Variants in ATP2C2 observed in about 807,000 individuals in gnomAD.
ATP2C2 encodes ATPase secretory pathway Ca2+ transporting 2.
In ATP2C2, 171 loss-of-function variants were observed where a neutral mutation model predicts 110.8. The ratio of observed to expected loss-of-function variants is 1.54; its 90% CI spans 1.36 to 1.75. The LOEUF is 1.75. Ranked by LOEUF, ATP2C2 falls within the 40% of genes most tolerant of loss-of-function variation. The pLI is 0.00. For missense variants in ATP2C2, 1,963 were observed against 1,235.0 expected, an observed-to-expected ratio of 1.59 and a Z score of -8.84; for synonymous variants, 804 against 508.4, an observed-to-expected ratio of 1.58 and a Z score of -7.82.
At position 84,453,163 on chromosome 16, in the gene ATP2C2, G is replaced by A. The variant is rs368664968; in HGVS notation, c.1857G>A (p.Gly619=). ...AIGRNIGLCN[G]KLQAMSGEEV... is the part of the protein sequence containing the mutation. ...GAAGAAACATCGGCCTGTGCAACGG[G>A]AAGCTGCAAGCCATGTCCGGGGAGG... Residue 619 remains glycine, a synonymous_variant, in exon 19 of 27, where the codon GGG becomes GGA. Transcript: ENST00000262429. 6.3e-5 allele frequency: 101 copies of A among 1,613,532 alleles called. 1 individual carries two copies. The African/African-American group carries it at 1.3e-3, about 20-fold the overall frequency.
intron 6 of ATP2C2, among the ~76,000 whole-genome samples, chr16:84,415,096 C>T (rs1906714756): frequency 6.6e-6 from 1 of 152,080 alleles, no homozygotes; most frequent in African/African-American, 2.4e-5. Flanking sequence ...TAAGGCTCTG[C>T]CATCCCTGAC....
At chr16:84,441,983 A>G (rs559610278) in intron 14 of ATP2C2, among the ~76,000 whole-genome samples, 2 of 152,276 alleles carry the variant, frequency 1.3e-5, no homozygotes, top group East Asian at 3.9e-4. Context: ...AAGAAAAGAA[A>G]AGAAATGGGC....
At position 84,446,368 on chromosome 16, in the gene ATP2C2, AAAG is replaced by A; in HGVS notation, c.1443_1445del (p.Glu482del). The A allele has an allele frequency of 6.2e-7, 1 of 1,604,424 alleles. No individual in the cohort carries two copies. The highest frequency in any genetic ancestry group is 1.1e-5 in the South Asian group (1 of 88,840). On this transcript the variant is annotated inframe_deletion, in exon 16 of 27. Transcript: ENST00000262429. ...TATTAAAAATTCATATATAAGAAAA[AAAG>A]AGATTCCATTCAGTTCAGAGCAGAA...
In ATP2C2 at chr16:84,439,616, A is replaced by G. The variant is rs1416184489; in HGVS notation, c.1209+92A>G. ...AGCACACAATGTCTTCTAGAACACA[A>G]TAAGGAAGAAATAAATTGGGGTCAT... is the stretch of plus-strand genomic sequence containing the variant. On this transcript the variant is annotated intron_variant, in intron 13 of 26. Transcript: ENST00000262429. The G allele has an allele frequency of 1.2e-5, 14 of 1,209,026 alleles. No homozygotes were observed. The South Asian group carries it at 1.4e-4, about 12-fold the overall frequency. 74.9% of individuals were successfully genotyped at this position (1,209,026 alleles called of 1,614,324 possible).
chr16:84,409,014 C>G (rs1170682237), intron 4 of ATP2C2, among the ~76,000 whole-genome samples: 1 of 152,160 alleles, frequency 6.6e-6, no homozygotes, highest in Non-Finnish European at 1.5e-5. Context: ...CTGTGCTCAC[C>G]AGACAGTCAC....
At chr16:84,431,327 C>G (rs1175649615) in intron 11 of ATP2C2, among the ~76,000 whole-genome samples, 1 of 151,904 alleles carries the variant, frequency 6.6e-6, no homozygotes, top group Non-Finnish European at 1.5e-5. Context: ...GGTGTTGCAT[C>G]TCTACCAAAA....
chr16:84,458,952 A>G (rs911945941), intron 21 of ATP2C2, among the ~76,000 whole-genome samples, 168 bp from the exon 22 acceptor site: 2 of 152,096 alleles, frequency 1.3e-5, no homozygotes, highest in African/African-American at 4.8e-5. Context: ...TTAGAACACC[A>G]CCGTCTCCTA....
rs149490909 is a variant in ATP2C2 at position 84,379,087 on chromosome 16, C to A, written c.99+10373C>A. ...AGATCATCCCATCACCCAGGAATTA[C>A]GCCCAGCATCCATTTCACTCTCTTC... On this transcript the variant is annotated intron_variant, in intron 1 of 26. Transcript: ENST00000262429. Among the ~76,000 whole-genome samples, 1,096 of 152,142 alleles carry A rather than the reference C, an allele frequency of 7.2e-3. 9 individuals are homozygous for A. The highest frequency in any genetic ancestry group is 0.013 in the South Asian group (62 of 4,802).
intron 2 of ATP2C2, among the ~76,000 whole-genome samples, chr16:84,402,237 T>C (rs1374806804): frequency 6.6e-6 from 1 of 152,214 alleles, no homozygotes; most frequent in Non-Finnish European, 1.5e-5. Flanking sequence ...CTTTAGGTTT[T>C]TTCAGATATA....
chr16:84,387,762 A>G (rs1464082593), intron 1 of ATP2C2, among the ~76,000 whole-genome samples: 3 of 152,078 alleles, frequency 2.0e-5, no homozygotes, highest in Non-Finnish European at 4.4e-5. Flanking sequence ...AGCCCTTCTC[A>G]GACAGCTCTG....
Position 84,453,208 on chromosome 16 carries a change from G to A in ATP2C2, c.1902G>A (p.Lys634=), listed in dbSNP as rs531287042. ...GGGAGGAGGTGGACAGCGTGGAGAA[G>A]GGCGAGCTGGCCGACCGCGTGGGGA... ...MSGEEVDSVE[K]GELADRVGKV... Residue 634 remains lysine (K), a synonymous_variant, in exon 19 of 27, where the codon AAG becomes AAA. Coordinates refer to ENST00000262429, the MANE Select transcript of ATP2C2 (RefSeq NM_014861.4). 6 of 1,613,770 alleles carry A rather than the reference G, an allele frequency of 3.7e-6. No individual in the cohort carries two copies. Among genetic ancestry groups the A allele is most frequent in the East Asian group, 4.5e-5 (2 of 44,894 alleles).
At chr16:84,431,278 C>T (rs892430905) in intron 11 of ATP2C2, among the ~76,000 whole-genome samples, 1 of 152,028 alleles carries the variant, frequency 6.6e-6, no homozygotes, top group African/African-American at 2.4e-5. Context: ...GTGGGCAGAT[C>T]ACTTGAGATC....
intron 21 of ATP2C2, among the ~76,000 whole-genome samples, 173 bp from the exon 22 acceptor site, chr16:84,458,947 A>G (rs2150593830): frequency 6.6e-6 from 1 of 152,188 alleles, no homozygotes. Context: ...ACCTGTTAGA[A>G]CACCACCGTC....
At position 84,459,511 on chromosome 16, in the gene ATP2C2, C is replaced by G. The variant is rs1187363605; in HGVS notation, c.2333+125C>G. On this transcript the variant is annotated intron_variant, in intron 23 of 26. Transcript: ENST00000262429. ...ATACAGCCACTTTCCATCAGGAGTT[C>G]CCAGAAAACTGAAGTGTGTTGCACT... 5 of 1,567,126 alleles carry G rather than the reference C, an allele frequency of 3.2e-6. No individual in the cohort carries two copies. In the Admixed American group the frequency reaches 5.6e-5, roughly 18 times the overall value.
rs549485082 is a variant in ATP2C2 at position 84,445,799 on chromosome 16, A to C, written c.1402-530A>C. ...GAGTAGTTTTTTGTGCCCCTGCTGC[A>C]CCGCATTTTCACCCCCTGTGGGACA... On this transcript the variant is annotated intron_variant, in intron 15 of 26. Coordinates refer to ENST00000262429, the MANE Select transcript of ATP2C2 (RefSeq NM_014861.4). 3.3e-5 allele frequency among the ~76,000 whole-genome samples: 5 copies of C among 152,330 alleles called. No homozygotes were observed. The East Asian group carries it at 9.6e-4, about 29-fold the overall frequency.
intron 9 of ATP2C2, 136 bp downstream of exon 9, chr16:84,422,833 A>AT (rs34915415): frequency 0.18 from 149,301 of 825,086 alleles, 6,084 homozygotes; most frequent in South Asian, 0.24. Flanking sequence ...TAAACATTTA[A>AT]TTTTTTTTTT....
In ATP2C2 at chr16:84,452,426, C is replaced by T. The variant is rs558058438; in HGVS notation, c.1831+335C>T. On this transcript the variant is annotated intron_variant, in intron 18 of 26. Coordinates refer to ENST00000262429, the MANE Select transcript of ATP2C2 (RefSeq NM_014861.4). ...TCTGCCTCTAGCTGTGTACCCTTGGCAAACCATTGAACCACTCTGACCCTC... is the reference window on the plus strand; with the variant it reads ...TCTGCCTCTAGCTGTGTACCCTTGGTAAACCATTGAACCACTCTGACCCTC... Among the ~76,000 whole-genome samples, 22 of 151,738 alleles carry T rather than the reference C, an allele frequency of 1.4e-4. No homozygotes were observed. The South Asian group carries it at 4.6e-3, about 32-fold the overall frequency.
At chr16:84,421,362 G>A (rs1340871614) in intron 7 of ATP2C2, among the ~76,000 whole-genome samples, 1 of 152,164 alleles carries the variant, frequency 6.6e-6, no homozygotes, top group Non-Finnish European at 1.5e-5. Context: ...TCGTTCTTGG[G>A]GACTGAGATG....
At chr16:84,449,232 G>A (rs950851621) in intron 17 of ATP2C2, among the ~76,000 whole-genome samples, 1 of 152,218 alleles carries the variant, frequency 6.6e-6, no homozygotes, top group African/African-American at 2.4e-5. Context: ...CTTTGGGTTG[G>A]CCTTACTGGC....
Sources: gnomAD v4.1 joint callset for allele counts (sites outside exome capture counted in the v4.1 genomes callset) on GRCh38, gnomAD v4.1.1 for gene constraint, MANE v1.5 for transcripts, NCBI Gene and HGNC (gene_info 2026-07-23, HGNC 2026-07-21) for gene names.